The following RBFOX1 variants were observed in gnomAD, a reference collection of about 807,000 sequenced individuals.
RBFOX1 encodes RNA binding protein fox-1 homolog 1.
A neutral mutation model predicts 57.7 loss-of-function variants in RBFOX1; 8 were observed. The ratio of observed to expected loss-of-function variants is 0.14; its 90% CI spans 0.08 to 0.25. The LOEUF (loss-of-function observed/expected upper bound fraction) is 0.25, where lower values mean the gene tolerates loss of function less well. Ranked by LOEUF, RBFOX1 falls within the 10% of genes least tolerant of loss-of-function variation. RBFOX1 has a pLI of 1.00. For synonymous variants in RBFOX1, 326 were observed against 222.4 expected (o/e 1.47, Z -4.15); for missense variants, 611 against 548.5 (o/e 1.11, Z -1.14).
chr16:7,615,150 G>A (rs943168211), intron 10 of RBFOX1, among the ~76,000 whole-genome samples: 70 of 152,218 alleles, frequency 4.6e-4, no homozygotes, highest in African/African-American at 1.5e-3. Context: ...TGGCTAATAC[G>A]GTGAAACCCC....
At chr16:6,410,325 T>TTTTTTTA (rs2093419025) in intron 2 of RBFOX1, among the ~76,000 whole-genome samples, 1 of 146,100 alleles carries the variant, frequency 6.8e-6, no homozygotes, top group East Asian at 2.0e-4. Context: ...TTTTTTTTTT[T>TTTTTTTA]GAGACAGAGT....
chr16:5,876,902 G>C (rs1057231162), intron 4 of RBFOX1, among the ~76,000 whole-genome samples: 1 of 152,164 alleles, frequency 6.6e-6, no homozygotes. Context: ...CAGCCACAGT[G>C]GTGGGGCTTT....
At chr16:6,272,316 A>G (rs2075299573) in intron 1 of RBFOX1, among the ~76,000 whole-genome samples, 1 of 152,200 alleles carries the variant, frequency 6.6e-6, no homozygotes, top group Non-Finnish European at 1.5e-5. Flanking sequence ...AACACCTACC[A>G]AACACCTACA....
intron 3 of RBFOX1, among the ~76,000 whole-genome samples, chr16:5,746,811 G>T (rs925260487): frequency 2.6e-5 from 4 of 152,202 alleles, no homozygotes; most frequent in African/African-American, 4.8e-5. Context: ...CTTTGCTGAA[G>T]TTACTCATCA....
rs74506970 is a variant in RBFOX1, at chr16:5,818,451, C to G, written c.319-48852C>G. Among the ~76,000 whole-genome samples the G allele has an allele frequency of 1.5e-3, 233 of 152,290 alleles. 2 individuals are homozygous for G. The highest frequency in any genetic ancestry group is 5.1e-3 in the African/African-American group (212 of 41,558). On this transcript the variant is annotated intron_variant, in intron 3 of 19. Coordinates refer to the RBFOX1 transcript ENST00000641259. ...ATAAGGAACAGAGAGCTCTGCCTTT[C>G]TTTACTCAGTCAATAAGTTTTTTGA...
At chr16:7,590,384 A>G (rs1477083114) in intron 7 of RBFOX1, among the ~76,000 whole-genome samples, 1 of 152,146 alleles carries the variant, frequency 6.6e-6, no homozygotes, top group African/African-American at 2.4e-5. Flanking sequence ...GAATAGCAAG[A>G]ATGCAGAAAA....
intron 5 of RBFOX1, among the ~76,000 whole-genome samples, chr16:7,523,382 T>G (rs754910491): frequency 6.6e-6 from 1 of 152,200 alleles, no homozygotes; most frequent in African/African-American, 2.4e-5. Context: ...AGAGATAATG[T>G]GAGGAGTTCC....
intron 3 of RBFOX1, among the ~76,000 whole-genome samples, chr16:6,735,239 AGG>A (rs2069839389): frequency 6.6e-6 from 1 of 152,172 alleles, no homozygotes. Flanking sequence ...TTTAATAGAA[AGG>A]GTATGGTTTG....
chr16:5,578,452 C>G (rs1428748561), intron 2 of RBFOX1, among the ~76,000 whole-genome samples: 2 of 152,154 alleles, frequency 1.3e-5, no homozygotes, highest in Admixed American at 6.5e-5. Context: ...ACCTTGGGCT[C>G]TAAAGCCCAC....
Position 6,074,918 on chromosome 16 carries a change from T to C in RBFOX1, c.-127+54926T>C, listed in dbSNP as rs527330564. 4.6e-5 allele frequency among the ~76,000 whole-genome samples: 7 copies of C among 152,044 alleles called. No homozygotes were observed. In the South Asian group the frequency reaches 1.0e-3, roughly 23 times the overall value. ...GACTTTGAGACCAGCCTAGGCAACA[T>C]AGCAAGACACCATCTCTAAAAAAGA... On this transcript the variant is annotated intron_variant, in intron 1 of 15. Transcript: ENST00000550418.
At chr16:7,023,564 TAAAAAAAAAAAAAAA>T (rs34056673) in intron 3 of RBFOX1, among the ~76,000 whole-genome samples, 2 of 43,928 alleles carry the variant, frequency 4.6e-5, no homozygotes, top group African/African-American at 1.8e-4. Context: ...TCGTCTGTAC[TAAAAAAAAAAAAAAA>T]AAAAAAAAAA....
chr16:6,028,179 T>C (rs2095232786), intron 1 of RBFOX1, among the ~76,000 whole-genome samples: 1 of 152,120 alleles, frequency 6.6e-6, no homozygotes, highest in African/African-American at 2.4e-5. Context: ...ACGTTGTAAA[T>C]GTCATACCTA....
At chr16:6,465,850 A>G (rs1005015706) in intron 2 of RBFOX1, among the ~76,000 whole-genome samples, 5 of 146,826 alleles carry the variant, frequency 3.4e-5, no homozygotes, top group South Asian at 2.2e-4. Flanking sequence ...TGTTACATCA[A>G]TGAAAAACTT....
chr16:6,906,395 G>C (rs1192609303), intron 3 of RBFOX1, among the ~76,000 whole-genome samples: 1 of 152,062 alleles, frequency 6.6e-6, no homozygotes, highest in Non-Finnish European at 1.5e-5. Context: ...AAAAATACAG[G>C]ATAAACAATG....
chr16:7,080,994 C>T (rs1400981263), intron 4 of RBFOX1, among the ~76,000 whole-genome samples: 2 of 152,178 alleles, frequency 1.3e-5, no homozygotes, highest in Admixed American at 6.5e-5. Flanking sequence ...CCTCACTTCC[C>T]CTCCTCAGCC....
intron 2 of RBFOX1, among the ~76,000 whole-genome samples, chr16:5,477,531 C>T (rs2069372308): frequency 6.6e-6 from 1 of 152,156 alleles, no homozygotes. Flanking sequence ...GAAGTAATTG[C>T]ACGGGCTGTT....
chr16:5,267,596 GC>G (rs2062893204), intron 1 of RBFOX1, among the ~76,000 whole-genome samples: 1 of 152,018 alleles, frequency 6.6e-6, no homozygotes, highest in Non-Finnish European at 1.5e-5. Flanking sequence ...CTGTGCCTGG[GC>G]CCACACATAA....
intron 4 of RBFOX1, among the ~76,000 whole-genome samples, chr16:7,140,819 A>G (rs2073558522): frequency 6.6e-6 from 1 of 152,042 alleles, no homozygotes. Context: ...AATGGATTTC[A>G]AAGATCCACA....
chr16:7,493,158 C>T (rs974070364), intron 4 of RBFOX1, among the ~76,000 whole-genome samples: 3 of 152,192 alleles, frequency 2.0e-5, no homozygotes, highest in South Asian at 2.1e-4. Context: ...GGATTACAGG[C>T]GTGAAGCCAC....
Sources: gnomAD v4.1 joint callset for allele counts (sites outside exome capture counted in the v4.1 genomes callset) on GRCh38, gnomAD v4.1.1 for gene constraint, MANE v1.5 for transcripts, NCBI Gene and HGNC (gene_info 2026-07-23, HGNC 2026-07-21) for gene names.